Variants in PRMT3 observed in about 807,000 individuals in gnomAD.
PRMT3 encodes the protein protein arginine N-methyltransferase 3.
Under a neutral mutation model 71.9 loss-of-function variants are expected in PRMT3, and 62 were observed. That is an observed-to-expected ratio of 0.86 (90% confidence interval 0.70 to 1.07). The LOEUF (loss-of-function observed/expected upper bound fraction) is 1.07, where lower values mean the gene tolerates loss of function less well. PRMT3 is among the 50% of genes least tolerant of loss of function. The pLI is 0.00. For missense variants in PRMT3, 663 were observed against 643.0 expected, an observed-to-expected ratio of 1.03 and a Z score of -0.34; for synonymous variants, 213 against 220.4, an observed-to-expected ratio of 0.97 and a Z score of 0.30.
rs533409751 is a variant in PRMT3 at position 20,441,176 on chromosome 11, C to G, written c.994-10954C>G. On this transcript the variant is annotated intron_variant, in intron 10 of 15. Coordinates refer to ENST00000331079, the MANE Select transcript of PRMT3 (RefSeq NM_005788.4). Reference sequence around the variant, plus strand: ...TTATGGTCGTTTTATACTGCCTAAACTTGGAATCAAAGAATCCTGGTCTTT... The same window carrying G: ...TTATGGTCGTTTTATACTGCCTAAAGTTGGAATCAAAGAATCCTGGTCTTT... Among the ~76,000 whole-genome samples the G allele has an allele frequency of 1.9e-3, 292 of 151,784 alleles. 1 individual carries two copies. Among genetic ancestry groups the G allele is most frequent in the Non-Finnish European group, 3.3e-3 (225 of 67,944 alleles).
chr11:20,399,832 AT>A (rs1160846765), intron 7 of PRMT3, among the ~76,000 whole-genome samples: 1 of 152,214 alleles, frequency 6.6e-6, no homozygotes, highest in African/African-American at 2.4e-5. Context: ...TTCAATGTAC[AT>A]ATAGATTTAA....
At chr11:20,389,997 A>G (rs1462801972) in intron 3 of PRMT3, among the ~76,000 whole-genome samples, 171 bp downstream of exon 3, 4 of 152,150 alleles carry the variant, frequency 2.6e-5, no homozygotes, top group African/African-American at 4.8e-5. Context: ...ACTAAAATAC[A>G]AAAGTTATCT....
chr11:20,398,059 A>ACATTC (rs890834656), intron 7 of PRMT3, among the ~76,000 whole-genome samples: 11 of 150,996 alleles, frequency 7.3e-5, no homozygotes, highest in Admixed American at 2.6e-4. Context: ...AGTCATTTGT[A>ACATTC]CATTCCATTT....
intron 13 of PRMT3, among the ~76,000 whole-genome samples, chr11:20,468,360 T>G (rs946633871): frequency 2.0e-5 from 3 of 152,042 alleles, no homozygotes; most frequent in African/African-American, 7.2e-5. Context: ...GTGGTTTTTG[T>G]TTTGTTTGTT....
At chr11:20,429,192 G>A (rs1423578283) in intron 10 of PRMT3, among the ~76,000 whole-genome samples, 2 of 152,170 alleles carry the variant, frequency 1.3e-5, no homozygotes, top group Non-Finnish European at 2.9e-5. Flanking sequence ...GGGGGATGGG[G>A]ATGGGATGGT....
chr11:20,421,751 C>A (rs1464445896), intron 9 of PRMT3, among the ~76,000 whole-genome samples: 1 of 151,694 alleles, frequency 6.6e-6, no homozygotes, highest in African/African-American at 2.4e-5. Context: ...TTTCCTTTTC[C>A]TTTCTATGTT....
At chr11:20,428,205 A>G (rs528888862) in intron 10 of PRMT3, among the ~76,000 whole-genome samples, 5 of 152,346 alleles carry the variant, frequency 3.3e-5, no homozygotes, top group African/African-American at 1.2e-4. Context: ...AGTAGATATG[A>G]ATTAAAAATG....
chr11:20,455,403 T>G (rs1318538119), intron 11 of PRMT3, among the ~76,000 whole-genome samples: 1 of 152,128 alleles, frequency 6.6e-6, no homozygotes, highest in African/African-American at 2.4e-5. Context: ...GAAGCTAACA[T>G]TAAATTGAGT....
At chr11:20,435,015 A>T (rs762782279) in intron 10 of PRMT3, among the ~76,000 whole-genome samples, 1 of 152,152 alleles carries the variant, frequency 6.6e-6, no homozygotes, top group Non-Finnish European at 1.5e-5. Context: ...ACTCATCTGC[A>T]TGGGATTTTT....
intron 9 of PRMT3, among the ~76,000 whole-genome samples, chr11:20,415,718 A>T (rs1158773940): frequency 1.3e-5 from 2 of 152,174 alleles, no homozygotes; most frequent in African/African-American, 4.8e-5. Flanking sequence ...AAACCAGGTA[A>T]CAAGTGTGCA....
At chr11:20,502,330 T>C (rs1851477868) in intron 15 of PRMT3, among the ~76,000 whole-genome samples, 1 of 152,230 alleles carries the variant, frequency 6.6e-6, no homozygotes, top group African/African-American at 2.4e-5. Context: ...GCAGTGTGAA[T>C]TATGTATTTA....
intron 9 of PRMT3, among the ~76,000 whole-genome samples, chr11:20,410,212 G>A (rs1171942828): frequency 6.6e-6 from 1 of 152,166 alleles, no homozygotes; most frequent in Non-Finnish European, 1.5e-5. Context: ...GGGTGTTCAT[G>A]TCCAAGCTTC....
chr11:20,508,774 T>G lies in PRMT3; in HGVS notation c.*361T>G, dbSNP rs1565246281. The G allele has an allele frequency of 6.5e-6, 2 of 306,800 alleles. No homozygotes were observed. The highest frequency in any genetic ancestry group is 4.3e-5 in the African/African-American group (2 of 46,572). 19.0% of individuals were successfully genotyped at this position (306,800 alleles called of 1,614,324 possible). A position where few individuals can be genotyped will look rare whatever the true frequency, so the allele number is the denominator to read the frequency against. Reference sequence around the variant, plus strand: ...TTTCTTACTATAAATTTTAAACAAATTGGTTAGTTATTTGGATATTTTATT... The same window carrying G: ...TTTCTTACTATAAATTTTAAACAAAGTGGTTAGTTATTTGGATATTTTATT... On this transcript the variant is annotated 3_prime_UTR_variant, in exon 16 of 16. Transcript: ENST00000331079.
intron 9 of PRMT3, among the ~76,000 whole-genome samples, chr11:20,423,873 TAAAAAAA>T (rs58636447): frequency 1.5e-4 from 4 of 27,100 alleles, no homozygotes; most frequent in African/African-American, 2.3e-4. Context: ...GATTCTCTCT[TAAAAAAA>T]AAAAAAAAAA....
intron 10 of PRMT3, among the ~76,000 whole-genome samples, chr11:20,430,747 T>A (rs541070248): frequency 6.6e-6 from 1 of 152,166 alleles, no homozygotes; most frequent in Admixed American, 6.5e-5. Flanking sequence ...TCTATTCTCT[T>A]AGGAAATTTT....
chr11:20,402,975 C>A lies in PRMT3; in HGVS notation c.762C>A (p.Phe254Leu). The change falls in exon 8 of 16, where the codon TTC (phenylalanine) becomes TTA (leucine). Residue 254 changes from phenylalanine to leucine, a missense_variant. Phe to Leu is a conservative substitution (Grantham distance 22). Transcript: ENST00000331079. ...RDFIYQNPHI[F>L]KDKVVLDVGC... ...TCATATACCAAAATCCACATATCTT[C>A]AAAGACAAGGTAAGTAGTATAGGTT... 1 of 1,594,434 alleles carries A rather than the reference C, an allele frequency of 6.3e-7. No homozygotes were observed. The highest frequency in any genetic ancestry group is 1.3e-5 in the African/African-American group (1 of 74,542).
At chr11:20,453,271 A>G in intron 11 of PRMT3, among the ~76,000 whole-genome samples, 1 of 150,664 alleles carries the variant, frequency 6.6e-6, no homozygotes, top group Admixed American at 6.6e-5. Context: ...ACCTGAGGTC[A>G]GGAGTTCAAG....
Position 20,397,565 on chromosome 11 carries a change from A to G in PRMT3, c.561-12A>G, listed in dbSNP as rs1175522871. ...AAACCTGTCTCAAGGGTGTATTTCA[A>G]ATTGATTACAGACAATTTGCTCAGG... On this transcript the variant is annotated splice_polypyrimidine_tract_variant and intron_variant, in intron 6 of 15. Transcript: ENST00000331079. 6.2e-6 allele frequency: 10 copies of G among 1,613,754 alleles called. No homozygotes were observed. The highest frequency in any genetic ancestry group is 8.5e-6 in the Non-Finnish European group (10 of 1,179,796).
At chr11:20,405,446 A>T (rs1374251709) in intron 8 of PRMT3, 2 of 152,184 alleles carry the variant, frequency 1.3e-5, no homozygotes, top group African/African-American at 2.4e-5. Flanking sequence ...TCTAAGCTAG[A>T]TGTGATAAAT....
Sources: allele counts gnomAD v4.1 joint callset (sites outside exome capture counted in the v4.1 genomes callset), GRCh38; gene constraint gnomAD v4.1.1; transcripts MANE v1.5; gene names NCBI Gene and HGNC (gene_info 2026-07-23, HGNC 2026-07-21).